Variants in BCAT2 observed in about 807,000 individuals in gnomAD.
BCAT2 encodes branched chain amino acid transaminase 2, also known as branched-chain-amino-acid aminotransferase, mitochondrial.
Under a neutral mutation model 52.9 loss-of-function variants are expected in BCAT2, and 44 were observed. That is an observed-to-expected ratio of 0.83 (90% CI 0.65 to 1.07). BCAT2 has a LOEUF of 1.07. Ranked by LOEUF, BCAT2 falls within the 50% of genes least tolerant of loss-of-function variation. BCAT2 has a pLI of 0.00. For synonymous variants in BCAT2, 215 were observed against 217.1 expected (o/e 0.99, Z 0.08); for missense variants, 478 against 521.8 (o/e 0.92, Z 0.82).
chr19:48,796,024 A>T, intron 10 of BCAT2: 1 of 363,468 alleles, frequency 2.8e-6, no homozygotes, highest in Non-Finnish European at 5.0e-6. Context: ...GGTCTCAGTG[A>T]TTCATGGAAA....
At chr19:48,810,448 C>T (rs975437875) in intron 1 of BCAT2, among the ~76,000 whole-genome samples, 8 of 152,176 alleles carry the variant, frequency 5.3e-5, no homozygotes, top group African/African-American at 1.9e-4. Context: ...GCCTCGATTT[C>T]CAATCCAGGT....
rs2034816983 is a variant in BCAT2 at position 48,807,477 on chromosome 19, G to A, written c.25-403C>T. The A allele has an allele frequency of 1.1e-5, 2 of 181,968 alleles. No homozygotes were observed. The highest frequency in any genetic ancestry group is 1.0e-4 in the South Asian group (1 of 9,602). The allele number at this position is 181,968 out of a possible 1,614,324, so 11.3% of individuals were successfully genotyped here. A position where few individuals can be genotyped will look rare whatever the true frequency, so the allele number is the denominator to read the frequency against. On this transcript the variant is annotated intron_variant, in intron 1 of 10. Transcript: ENST00000316273. The surrounding 1 kb of genome is among the most constrained non-coding windows in gnomAD (Gnocchi z 4.6). ...GACCGACAGGTCCTGCTCCCCCAGA[G>A]CTCAGGGGTGCAGACCCCAGGCCCG...
rs752500901 is a variant in BCAT2 at position 48,806,989 on chromosome 19, C to T, written c.99+11G>A. The T allele has an allele frequency of 2.5e-6, 4 of 1,612,886 alleles. No homozygotes were observed. Among genetic ancestry groups the T allele is most frequent in the Non-Finnish European group, 3.4e-6 (4 of 1,179,028 alleles). On this transcript the variant is annotated intron_variant, in intron 2 of 10. Coordinates refer to ENST00000316273, the MANE Select transcript of BCAT2 (RefSeq NM_001190.4). ...TCTCTCAGAGCCAAGCATCGAGTTC[C>T]CTCCTTTCACCTTGAAACTGGAGGA...
chr19:48,808,390 C>T (rs7256054), intron 1 of BCAT2: 19 of 374,896 alleles, frequency 5.1e-5, no homozygotes, highest in Non-Finnish European at 5.8e-5. Flanking sequence ...CAGAAAGGGG[C>T]GCACAAACAG....
Position 48,800,007 on chromosome 19 carries a change from CAT to C in BCAT2, c.503_504del (p.Tyr168CysfsTer82). The C allele has an allele frequency of 6.2e-7, 1 of 1,613,964 alleles. No homozygotes were observed. The highest frequency in any genetic ancestry group is 8.5e-7 in the Non-Finnish European group (1 of 1,179,914). ...WVPDAAGTSL[Y>X]VRPVLIGNEP... Reference sequence around the variant, plus strand: ...TCGTTCCCAATGAGCACAGGCCGCACATAGAGGCTGGTGCCGGCGGCATCGGG... The same window carrying C: ...TCGTTCCCAATGAGCACAGGCCGCACAGAGGCTGGTGCCGGCGGCATCGGG... On this transcript the variant is annotated frameshift_variant, in exon 5 of 11. Transcript: ENST00000316273. LOFTEE classifies it high-confidence loss of function.
rs570134063 is a variant in BCAT2 at position 48,803,195 on chromosome 19, A to AAAAACAAAAC, written c.301-2908_301-2899dup. On this transcript the variant is annotated intron_variant, in intron 3 of 10. Coordinates refer to ENST00000316273, the MANE Select transcript of BCAT2 (RefSeq NM_001190.4). ...GGGAAACAGAGCAAGACACCGTCTC[A>AAAAACAAAAC]AAAACAAAACAAAACAAAACCCAGG... is the stretch of plus-strand genomic sequence containing the variant. Among the ~76,000 whole-genome samples the AAAAACAAAAC allele has an allele frequency of 4.6e-5, 7 of 151,884 alleles. No individual in the cohort carries two copies. The South Asian group carries it at 1.2e-3, about 27-fold the overall frequency.
At chr19:48,809,158 C>T (rs1312976238) in intron 1 of BCAT2, among the ~76,000 whole-genome samples, 1 of 148,190 alleles carries the variant, frequency 6.7e-6, no homozygotes. Context: ...CCCATCTACT[C>T]GGGAGGCTGA....
At position 48,806,673 on chromosome 19, in the gene BCAT2, C is replaced by A. The variant is rs1367834521; in HGVS notation, c.144G>T (p.Lys48Asn). Reference protein sequence around the residue: ...QLEMTQKPHKKPGPGEPLVFG... With the variant: ...QLEMTQKPHKNPGPGEPLVFG... ...ACACCAGGGGCTCGCCGGGGCCAGG[C>A]TTCTTATGAGGCTTCTGTGTCATTT... Residue 48 changes from lysine (K) to asparagine (N), a missense_variant, in exon 3 of 11, where the codon AAG becomes AAT. Lys to Asn is a moderately conservative substitution (Grantham distance 94). Transcript: ENST00000316273. 6.2e-7 allele frequency: 1 copy of A among 1,613,692 alleles called. No individual in the cohort carries two copies. The highest frequency in any genetic ancestry group is 8.5e-7 in the Non-Finnish European group (1 of 1,179,900).
At chr19:48,795,929 G>A (rs1057115526) in intron 10 of BCAT2, 3 of 255,180 alleles carry the variant, frequency 1.2e-5, no homozygotes, top group African/African-American at 2.2e-5. Context: ...CTCATGGGAG[G>A]AAGCTTTCTC....
At chr19:48,809,743 T>C (rs736170) in intron 1 of BCAT2, among the ~76,000 whole-genome samples, 21,580 of 151,570 alleles carry the variant, frequency 0.14, 2,051 homozygotes, top group Non-Finnish European at 0.21. Context: ...TCAGGGCTTA[T>C]TTCCTATTCA....
rs891052387 is a variant in BCAT2, at chr19:48,799,472, C to T, written c.695+203G>A. The T allele has an allele frequency of 6.0e-6, 4 of 667,152 alleles. No individual in the cohort carries two copies. The African/African-American group carries it at 7.6e-5, about 13-fold the overall frequency. The allele number at this position is 667,152 out of a possible 1,614,324, so 41.3% of individuals were successfully genotyped here. A position where few individuals can be genotyped will look rare whatever the true frequency, so the allele number is the denominator to read the frequency against. On this transcript the variant is annotated intron_variant, in intron 6 of 10. Transcript: ENST00000316273. This position sits in a 1 kb window ranked among gnomAD's most constrained non-coding sequence, Gnocchi z 5.5. ...CCTTCCCATCTGTGAGCCTTTTTGTCCATCTGAAAAATAATCCCCTCCTCC... is the reference window on the plus strand; with the variant it reads ...CCTTCCCATCTGTGAGCCTTTTTGTTCATCTGAAAAATAATCCCCTCCTCC...
At position 48,807,108 on chromosome 19, in the gene BCAT2, TG is replaced by T. The variant is rs1367257971; in HGVS notation, c.25-35del. The T allele has an allele frequency of 3.8e-6, 6 of 1,584,486 alleles. No homozygotes were observed. Among genetic ancestry groups the T allele is most frequent in the Non-Finnish European group, 5.2e-6 (6 of 1,157,640 alleles). ...AGAAAGAAGTGAGAGAGGGGGTGAG[TG>T]GGGCACAGCAGGGGCCCTGGCAGCT... On this transcript the variant is annotated intron_variant, in intron 1 of 10. Transcript: ENST00000316273. This position sits in a 1 kb window ranked among gnomAD's most constrained non-coding sequence, Gnocchi z 4.6.
At chr19:48,801,139 C>A (rs1172574477) in intron 3 of BCAT2, among the ~76,000 whole-genome samples, 1 of 151,906 alleles carries the variant, frequency 6.6e-6, no homozygotes, top group Non-Finnish European at 1.5e-5. Context: ...AGGCGCCCAC[C>A]ACCACGCCCA....
Position 48,806,535 on chromosome 19 carries a change from G to A in BCAT2, c.282C>T (p.Ser94=). Residue 94 remains serine (S), a synonymous_variant, in exon 3 of 11, where the codon AGC becomes AGT. Coordinates refer to ENST00000316273, the MANE Select transcript of BCAT2 (RefSeq NM_001190.4). ...ATGCCACCTGCAGGGAGTAGTGGAG[G>A]CTGGAGGAGGCTGGGTGCAGCGTGA... ...QNLTLHPASS[S]LHYSLQLFEG... 1 of 1,613,998 alleles carries A rather than the reference G, an allele frequency of 6.2e-7. No homozygotes were observed. Among genetic ancestry groups the A allele is most frequent in the Non-Finnish European group, 8.5e-7 (1 of 1,179,996 alleles).
intron 3 of BCAT2, among the ~76,000 whole-genome samples, chr19:48,804,341 C>T (rs1289740172): frequency 9.9e-5 from 15 of 151,526 alleles, no homozygotes; most frequent in Admixed American, 5.3e-4. Flanking sequence ...GCCAGGAGTT[C>T]GAAAACAGCC....
chr19:48,797,895 C>A (rs2034566578), intron 6 of BCAT2, among the ~76,000 whole-genome samples: 1 of 151,460 alleles, frequency 6.6e-6, no homozygotes, highest in South Asian at 2.1e-4. Flanking sequence ...CAGCTCACTG[C>A]AACCTCCGCC....
chr19:48,810,808 C>G, intron 1 of BCAT2, 176 bp downstream of exon 1: 1 of 1,440,032 alleles, frequency 6.9e-7, no homozygotes, highest in East Asian at 2.9e-5. Flanking sequence ...CTCCCCCTCA[C>G]CCCATTAAAG....
At chr19:48,810,741 T>G in intron 1 of BCAT2, 1 of 1,021,604 alleles carries the variant, frequency 9.8e-7, no homozygotes, top group Non-Finnish European at 1.3e-6. Context: ...TTTCCCTTTT[T>G]TTTTTTTTTT....
At chr19:48,805,694 GCCCTCTCCCACCATCACTTCCCCGGCTGT>G (rs2034753976) in intron 3 of BCAT2, among the ~76,000 whole-genome samples, 3 of 75,564 alleles carry the variant, frequency 4.0e-5, no homozygotes, top group Non-Finnish European at 7.9e-5. Flanking sequence ...CCCCCGGCTG[GCCCTCTCCCACCATCACTTCCCCGGCTGT>G]CCCTCTCCCG....
Sources: allele counts gnomAD v4.1 joint callset (sites outside exome capture counted in the v4.1 genomes callset), GRCh38; gene constraint gnomAD v4.1.1; non-coding constraint Gnocchi (gnomAD v3.1); transcripts MANE v1.5; gene names NCBI Gene and HGNC (gene_info 2026-07-23, HGNC 2026-07-21).